HROB: variants seen among roughly 807,000 people sequenced by gnomAD.
HROB encodes the protein homologous recombination factor with OB-fold.
A neutral mutation model predicts 61.0 loss-of-function variants in HROB; 44 were observed. That is an observed-to-expected ratio of 0.72 (90% CI 0.57 to 0.93). The LOEUF (loss-of-function observed/expected upper bound fraction) is 0.93. HROB is among the 40% of genes least tolerant of loss of function. The pLI, the probability that HROB is intolerant of heterozygous loss-of-function variation, is 0.00. For missense variants in HROB, 716 were observed against 796.2 expected (o/e 0.90, Z 1.21); for synonymous variants, 301 against 310.4 (o/e 0.97, Z 0.32).
At chr17:44,161,253 C>A (rs1439870006) in intron 9 of HROB, among the ~76,000 whole-genome samples, 1 of 151,450 alleles carries the variant, frequency 6.6e-6, no homozygotes, top group Admixed American at 6.6e-5. Flanking sequence ...ATAACAGGAG[C>A]TAACTGGAGA....
intron 3 of HROB, among the ~76,000 whole-genome samples, chr17:44,150,095 G>A (rs1407282071): frequency 6.6e-6 from 1 of 152,152 alleles, no homozygotes; most frequent in Non-Finnish European, 1.5e-5. Context: ...GGGAAGCTGG[G>A]GCTGAAAAGG....
chr17:44,155,212 G>A (rs1325824549), intron 7 of HROB, 74 bp from the exon 8 acceptor site: 28 of 1,589,348 alleles, frequency 1.8e-5, no homozygotes, highest in Non-Finnish European at 2.2e-5. Context: ...TGAAAGGCAG[G>A]TGGGAGCCAG....
At chr17:44,146,525 G>A (rs940858589) in intron 2 of HROB, among the ~76,000 whole-genome samples, 38 of 152,286 alleles carry the variant, frequency 2.5e-4, no homozygotes, top group African/African-American at 8.9e-4. Context: ...AATGGAATTA[G>A]AGTAAAGGAA....
chr17:44,143,001 A>T (rs549773005), intron 1 of HROB, among the ~76,000 whole-genome samples: 19 of 152,134 alleles, frequency 1.2e-4, no homozygotes, highest in African/African-American at 4.3e-4. Flanking sequence ...CAGTGGTGCG[A>T]TCTCCGCTCA....
chr17:44,152,838 A>T (rs1487993401), intron 5 of HROB, 61 bp downstream of exon 5: 35 of 1,580,116 alleles, frequency 2.2e-5, no homozygotes, highest in Non-Finnish European at 2.8e-5. Context: ...TCTCTGACCT[A>T]CTGCCCTACT....
At chr17:44,142,489 C>T (rs1373112870) in intron 1 of HROB, among the ~76,000 whole-genome samples, 1 of 139,598 alleles carries the variant, frequency 7.2e-6, no homozygotes, top group Non-Finnish European at 1.5e-5. Flanking sequence ...TTTTTTTGGA[C>T]GAAGTCTCGT....
Position 44,154,818 on chromosome 17 carries a change from G to A in HROB, c.1559-35G>A, listed in dbSNP as rs762356211. The A allele has an allele frequency of 3.7e-6, 6 of 1,612,158 alleles. No individual in the cohort carries two copies. The Admixed American group carries it at 1.0e-4, about 27-fold the overall frequency. On this transcript the variant is annotated intron_variant, in intron 6 of 9. Coordinates refer to ENST00000585683, the MANE Select transcript of HROB (RefSeq NM_001171251.3). ...CCATACCAGTCGCTGTGCTGCCCTT[G>A]ACCCCGAGACTGATGGGCCATGTGG...
At chr17:44,155,193 G>T in intron 7 of HROB, 93 bp from the exon 8 acceptor site, 1 of 1,555,176 alleles carries the variant, frequency 6.4e-7, no homozygotes, top group East Asian at 2.2e-5. Context: ...CTAGGCAGAG[G>T]ACACCAAGTG....
intron 8 of HROB, among the ~76,000 whole-genome samples, chr17:44,157,607 G>T (rs1476356291): frequency 2.0e-5 from 3 of 151,792 alleles, no homozygotes; most frequent in African/African-American, 7.3e-5. Context: ...TAGAGATGTG[G>T]TTTCACCGTG....
At chr17:44,153,520 C>T (rs966432727) in intron 5 of HROB, among the ~76,000 whole-genome samples, 2 of 151,896 alleles carry the variant, frequency 1.3e-5, no homozygotes, top group Non-Finnish European at 2.9e-5. Flanking sequence ...TCAAGGCGGG[C>T]GGATCACCTG....
chr17:44,154,552 G>A lies in HROB; in HGVS notation c.1450-4G>A, dbSNP rs757301200. The A allele has an allele frequency of 1.2e-6, 2 of 1,614,080 alleles. No homozygotes were observed. The highest frequency in any genetic ancestry group is 8.5e-7 in the Non-Finnish European group (1 of 1,179,988). On this transcript the variant is annotated splice_polypyrimidine_tract_variant and splice_region_variant and intron_variant, in intron 5 of 9. Coordinates refer to ENST00000585683, the MANE Select transcript of HROB (RefSeq NM_001171251.3). ...GCTCAGCATATGCCTCTCCTTGTAA[G>A]CAGGCAGCCCTGAAGCAGCTTCCTA...
chr17:44,148,582 C>A lies in HROB; in HGVS notation c.779C>A (p.Pro260His). Residue 260 changes from proline (P) to histidine (H), a missense_variant, in exon 3 of 10, where the codon CCC becomes CAC. Coordinates refer to ENST00000585683, the MANE Select transcript of HROB (RefSeq NM_001171251.3). Reference protein sequence around the residue: ...HLPVPTALTVPTQQLHWEVCP... With the variant: ...HLPVPTALTVHTQQLHWEVCP... ...CCTGTTCCAACTGCCTTAACAGTTCCCACTCAGCAACTCCACTGGGAAGTC... is the reference window on the plus strand; with the variant it reads ...CCTGTTCCAACTGCCTTAACAGTTCACACTCAGCAACTCCACTGGGAAGTC... 6.2e-7 allele frequency: 1 copy of A among 1,613,952 alleles called. No homozygotes were observed. Among genetic ancestry groups the A allele is most frequent in the Non-Finnish European group, 8.5e-7 (1 of 1,180,018 alleles).
At chr17:44,157,769 AGGT>A in intron 8 of HROB, 61 bp from the exon 9 acceptor site, 1 of 1,247,008 alleles carries the variant, frequency 8.0e-7, no homozygotes, top group East Asian at 2.4e-5. Flanking sequence ...GTCTGGGTAG[AGGT>A]GGTGCCATCT....
In HROB at chr17:44,148,662, A is replaced by T. The variant is rs1291432331; in HGVS notation, c.859A>T (p.Thr287Ser). 1 of 1,613,774 alleles carries T rather than the reference A, an allele frequency of 6.2e-7. No individual in the cohort carries two copies. The highest frequency in any genetic ancestry group is 1.3e-5 in the African/African-American group (1 of 74,890). Residue 287 changes from threonine (T) to serine (S), a missense_variant, in exon 3 of 10, where the codon ACC becomes TCC. Physicochemically the swap from Thr to Ser is moderately conservative, Grantham distance 58. Transcript: ENST00000585683. Reference protein sequence around the residue: ...ALQPLQAARGTIQSSPQNRFP... With the variant: ...ALQPLQAARGSIQSSPQNRFP... ...TCAGCCTCTCCAAGCTGCTAGAGGG[A>T]CCATTCAGAGCAGCCCTCAAAATCG...
chr17:44,144,309 T>C (rs1338471709), intron 1 of HROB, among the ~76,000 whole-genome samples: 2 of 151,918 alleles, frequency 1.3e-5, no homozygotes, highest in Non-Finnish European at 2.9e-5. Flanking sequence ...CCAGCTAATT[T>C]TTTGTATTTT....
rs768578828 is a variant in HROB at position 44,154,600 on chromosome 17, G to C, written c.1494G>C (p.Ala498=). ...CTAGGAACAAGGTCCCCAACATGGC[G>C]GTGATGATCAAGTCCCTGACTCGGA... ...QLPRNKVPNM[A]VMIKSLTRST... The change falls in exon 6 of 10, where the codon GCG becomes GCC. Residue 498 remains alanine, a synonymous_variant. Coordinates refer to ENST00000585683, the MANE Select transcript of HROB (RefSeq NM_001171251.3). 6.2e-7 allele frequency: 1 copy of C among 1,614,136 alleles called. No homozygotes were observed. The highest frequency in any genetic ancestry group is 8.5e-7 in the Non-Finnish European group (1 of 1,180,026).
intron 3 of HROB, 62 bp from the exon 4 acceptor site, chr17:44,150,899 G>A: frequency 2.9e-6 from 4 of 1,366,202 alleles, no homozygotes; most frequent in Admixed American, 3.6e-5. Context: ...CAGACAATAA[G>A]CTGTACTTGT....
At chr17:44,145,569 G>A (rs2053587054) in intron 2 of HROB, among the ~76,000 whole-genome samples, 1 of 152,222 alleles carries the variant, frequency 6.6e-6, no homozygotes, top group Non-Finnish European at 1.5e-5. Context: ...TGTGTATGTA[G>A]AGCCAGAACC....
At chr17:44,145,117 T>G in intron 1 of HROB, 86 bp from the exon 2 acceptor site, 1 of 1,409,414 alleles carries the variant, frequency 7.1e-7, no homozygotes, top group Non-Finnish European at 1.0e-6. Context: ...CTGATGGTAT[T>G]GTTAGTGCTG....
Sources: allele counts gnomAD v4.1 joint callset (sites outside exome capture counted in the v4.1 genomes callset), GRCh38; gene constraint gnomAD v4.1.1; transcripts MANE v1.5; gene names NCBI Gene and HGNC (gene_info 2026-07-23, HGNC 2026-07-21).